Variants in PCLO observed in about 807,000 individuals in gnomAD.
PCLO encodes protein piccolo.
A neutral mutation model predicts 427.5 loss-of-function variants in PCLO; 82 were observed. That is an observed-to-expected ratio of 0.19 (90% CI 0.16 to 0.23). The LOEUF is 0.23. Ranked by LOEUF, PCLO falls within the 10% of genes least tolerant of loss-of-function variation. PCLO has a pLI of 1.00. For missense variants in PCLO, 6,239 were observed against 6,115.9 expected, an observed-to-expected ratio of 1.02 and a Z score of -0.67; for synonymous variants, 2,357 against 2,155.4, an observed-to-expected ratio of 1.09 and a Z score of -2.59.
chr7:83,010,774 G>A (rs986162602), intron 3 of PCLO, among the ~76,000 whole-genome samples: 11 of 151,438 alleles, frequency 7.3e-5, no homozygotes, highest in South Asian at 2.1e-4. Context: ...GTCACTCTCC[G>A]CCTATAATAC....
chr7:83,059,927 T>G (rs1016728808), intron 3 of PCLO, among the ~76,000 whole-genome samples: 1 of 152,200 alleles, frequency 6.6e-6, no homozygotes. Flanking sequence ...TTAAGATGAC[T>G]GTAGCATTTT....
chr7:82,931,446 C>A (rs189521300), intron 6 of PCLO, among the ~76,000 whole-genome samples: 2 of 152,066 alleles, frequency 1.3e-5, no homozygotes, highest in Non-Finnish European at 2.9e-5. Context: ...GCAATCTGGG[C>A]ATGGTTTAGT....
In PCLO at chr7:82,993,057, T is replaced by C. The variant is rs533779702; in HGVS notation, c.3301-26570A>G. The stretch of plus-strand genomic sequence containing the variant: ...GCCACATGTTTAGAGTCACTAAACA[T>C]TGTATTTGATCTTCCCTCCCAAGCT... On this transcript the variant is annotated intron_variant, in intron 3 of 24. Coordinates refer to ENST00000333891, the MANE Select transcript of PCLO (RefSeq NM_033026.6). Among the ~76,000 whole-genome samples, 5 of 152,106 alleles carry C rather than the reference T, an allele frequency of 3.3e-5. No homozygotes were observed. In the East Asian group the frequency reaches 9.7e-4, roughly 29 times the overall value.
intron 3 of PCLO, among the ~76,000 whole-genome samples, chr7:83,116,466 A>C (rs2116543053): frequency 6.6e-6 from 1 of 152,276 alleles, no homozygotes; most frequent in African/African-American, 2.4e-5. Flanking sequence ...AAGTTTCAGT[A>C]AAGGAAACAA....
At chr7:83,016,906 T>C (rs914152188) in intron 3 of PCLO, among the ~76,000 whole-genome samples, 2 of 152,104 alleles carry the variant, frequency 1.3e-5, no homozygotes, top group Non-Finnish European at 2.9e-5. Flanking sequence ...GCAGAGCCAA[T>C]GGCAATTCAA....
At chr7:83,125,738 C>T (rs1584057579) in intron 3 of PCLO, among the ~76,000 whole-genome samples, 1 of 152,148 alleles carries the variant, frequency 6.6e-6, no homozygotes, top group South Asian at 2.1e-4. Flanking sequence ...CCCAGGGACA[C>T]AAACACTGCG....
In PCLO at chr7:82,757,915, T is replaced by A. The variant is rs536875077; in HGVS notation, c.*660A>T. The stretch of plus-strand genomic sequence containing the variant: ...CAAATGATACAGAAACAAATGTGCT[T>A]TTACCACATGGATTCCAAAGTCAGT... On this transcript the variant is annotated 3_prime_UTR_variant, in exon 25 of 25. Coordinates refer to ENST00000333891, the MANE Select transcript of PCLO (RefSeq NM_033026.6). The A allele has an allele frequency of 9.2e-5, 14 of 152,172 alleles. No individual in the cohort carries two copies. The highest frequency in any genetic ancestry group is 2.6e-4 in the Admixed American group (4 of 15,260). The allele number at this position is 152,172 out of a possible 1,614,324, so 9.4% of individuals were successfully genotyped here.
chr7:82,934,800 G>T (rs984333795), intron 6 of PCLO, among the ~76,000 whole-genome samples: 1 of 151,398 alleles, frequency 6.6e-6, no homozygotes, highest in African/African-American at 2.4e-5. Flanking sequence ...TATTTCAAAT[G>T]ATAAAATATA....
At chr7:83,057,658 G>A (rs573387135) in intron 3 of PCLO, among the ~76,000 whole-genome samples, 2 of 151,508 alleles carry the variant, frequency 1.3e-5, no homozygotes, top group South Asian at 4.2e-4. Context: ...ACCACGCCCG[G>A]CCTCTATCAT....
chr7:82,992,843 T>G (rs1554369763), intron 3 of PCLO, among the ~76,000 whole-genome samples: 1 of 146,762 alleles, frequency 6.8e-6, no homozygotes, highest in Admixed American at 6.9e-5. Context: ...AGTACATTCA[T>G]TCACCAAGGA....
chr7:82,908,042 T>G (rs1160255434), intron 8 of PCLO, among the ~76,000 whole-genome samples: 1 of 152,132 alleles, frequency 6.6e-6, no homozygotes, highest in Admixed American at 6.6e-5. Flanking sequence ...TGATTAGGGG[T>G]TTATGTAAAT....
At chr7:83,116,564 T>C (rs1164386601) in intron 3 of PCLO, among the ~76,000 whole-genome samples, 1 of 152,210 alleles carries the variant, frequency 6.6e-6, no homozygotes, top group African/African-American at 2.4e-5. Flanking sequence ...TTTTGAAGTA[T>C]GCATAAATTG....
At position 83,065,071 on chromosome 7, in the gene PCLO, A is replaced by G. The variant is rs971174017; in HGVS notation, c.3300+69179T>C. Reference sequence around the variant, plus strand: ...GCTTGGGTTCCAAAAAAAAAAAAAAAGAGAGACTAAGTGGAAAGGAATAAT... The same window carrying G: ...GCTTGGGTTCCAAAAAAAAAAAAAAGGAGAGACTAAGTGGAAAGGAATAAT... On this transcript the variant is annotated intron_variant, in intron 3 of 24. Transcript: ENST00000333891. 2.8e-5 allele frequency among the ~76,000 whole-genome samples: 4 copies of G among 144,444 alleles called. No homozygotes were observed. In the East Asian group the frequency reaches 8.2e-4, roughly 30 times the overall value. The allele number at this position is 144,444 out of a possible 152,430, so 94.8% of individuals were successfully genotyped here. A position where few individuals can be genotyped will look rare whatever the true frequency, so the allele number is the denominator to read the frequency against.
chr7:83,078,207 T>G (rs1406892982), intron 3 of PCLO, among the ~76,000 whole-genome samples: 1 of 152,100 alleles, frequency 6.6e-6, no homozygotes, highest in Non-Finnish European at 1.5e-5. Flanking sequence ...CATATATTAT[T>G]AAAACATCAA....
intron 21 of PCLO, among the ~76,000 whole-genome samples, chr7:82,801,915 G>T (rs1177910101): frequency 6.6e-6 from 1 of 151,796 alleles, no homozygotes; most frequent in Non-Finnish European, 1.5e-5. Flanking sequence ...TTTTGTTTTA[G>T]AATTTTTTAT....
At chr7:82,869,206 C>A (rs1328913464) in intron 10 of PCLO, among the ~76,000 whole-genome samples, 1 of 152,042 alleles carries the variant, frequency 6.6e-6, no homozygotes, top group Non-Finnish European at 1.5e-5. Context: ...TCTACCTTTT[C>A]TGGAGATATA....
At chr7:82,867,810 T>A (rs1793133993) in intron 10 of PCLO, among the ~76,000 whole-genome samples, 1 of 152,160 alleles carries the variant, frequency 6.6e-6, no homozygotes, top group Admixed American at 6.6e-5. Flanking sequence ...AGCATAATTC[T>A]CCTCTGATAA....
At chr7:82,816,407 C>T (rs1767009707) in intron 20 of PCLO, among the ~76,000 whole-genome samples, 1 of 151,988 alleles carries the variant, frequency 6.6e-6, no homozygotes, top group African/African-American at 2.4e-5. Flanking sequence ...CCTGACTGCC[C>T]CCCACTGTGT....
Position 82,952,541 on chromosome 7 carries a change from T to C in PCLO, c.8412A>G (p.Ala2804=). ...GGCTTTCTGTGCCTGTAGTGTAACT[T>C]GCACTAGCTGTGCATGTGACAAAGG... ...TVTFVTCTAS[A]SYTTGTESLV... The change falls in exon 5 of 25, where the codon GCA becomes GCG. Residue 2804 remains alanine, a synonymous_variant. Transcript: ENST00000333891. 6.2e-7 allele frequency: 1 copy of C among 1,613,972 alleles called. No individual in the cohort carries two copies. Among genetic ancestry groups the C allele is most frequent in the South Asian group, 1.1e-5 (1 of 91,084 alleles).
Sources: allele counts gnomAD v4.1 joint callset (sites outside exome capture counted in the v4.1 genomes callset), GRCh38; gene constraint gnomAD v4.1.1; transcripts MANE v1.5; gene names NCBI Gene and HGNC (gene_info 2026-07-23, HGNC 2026-07-21).